The following AP3B1 variants were observed in gnomAD, a reference collection of about 807,000 sequenced individuals.
AP3B1 encodes adaptor related protein complex 3 subunit beta 1, also known as AP-3 complex subunit beta-1.
Under a neutral mutation model 132.5 loss-of-function variants are expected in AP3B1, and 61 were observed. The observed-to-expected ratio is 0.46, with a 90% CI of 0.37 to 0.57. The LOEUF (loss-of-function observed/expected upper bound fraction) is 0.57. AP3B1 is among the 20% of genes least tolerant of loss of function. AP3B1 has a pLI of 0.00. For synonymous variants in AP3B1, 388 were observed against 438.3 expected (o/e 0.89, Z 1.43); for missense variants, 1,120 against 1,289.4 (o/e 0.87, Z 2.01).
At chr5:78,148,084 C>T (rs925466478) in intron 14 of AP3B1, among the ~76,000 whole-genome samples, 1 of 151,614 alleles carries the variant, frequency 6.6e-6, no homozygotes, top group African/African-American at 2.4e-5. Context: ...GTTTACACAT[C>T]AAAAGTATCT....
At chr5:78,003,252 G>C (rs1375132987) in intron 26 of AP3B1, among the ~76,000 whole-genome samples, 197 bp from the exon 27 acceptor site, 1 of 152,116 alleles carries the variant, frequency 6.6e-6, no homozygotes, top group Non-Finnish European at 1.5e-5. Flanking sequence ...ACCACAAGCA[G>C]GTAATTTTAG....
Position 78,294,568 on chromosome 5 carries a change from A to G in AP3B1, c.12T>C (p.Asn4=). 1.2e-6 allele frequency: 2 copies of G among 1,614,132 alleles called. No individual in the cohort carries two copies. The highest frequency in any genetic ancestry group is 1.7e-6 in the Non-Finnish European group (2 of 1,180,028). The change falls in exon 1 of 27, where the codon AAT becomes AAC. Residue 4 remains asparagine, a synonymous_variant. Coordinates refer to ENST00000255194, the MANE Select transcript of AP3B1 (RefSeq NM_003664.5). ...CGGACTGCTCATTGTAAGGAAAACT[A>G]TTGCTGGACATTGCCGCGGTGCTGG... is the stretch of plus-strand genomic sequence containing the variant. MSS[N]SFPYNEQSGG... is the part of the protein sequence containing the mutation.
intron 25 of AP3B1, among the ~76,000 whole-genome samples, chr5:78,019,500 C>T (rs1279624774): frequency 6.6e-6 from 1 of 152,110 alleles, no homozygotes; most frequent in Non-Finnish European, 1.5e-5. Context: ...AGCAGAGAGG[C>T]AGGCTTTAGC....
chr5:78,216,977 A>G (rs1417187501), intron 6 of AP3B1, among the ~76,000 whole-genome samples: 1 of 152,160 alleles, frequency 6.6e-6, no homozygotes, highest in Non-Finnish European at 1.5e-5. Flanking sequence ...CCTTTACTCT[A>G]AAGACACAAA....
At chr5:78,168,219 CTT>C (rs535444476) in intron 11 of AP3B1, among the ~76,000 whole-genome samples, 20 of 142,720 alleles carry the variant, frequency 1.4e-4, no homozygotes, top group African/African-American at 5.4e-4. Flanking sequence ...CAACTTTTTT[CTT>C]TTTTCTTTTT....
At chr5:78,072,064 C>T (rs975739734) in intron 22 of AP3B1, among the ~76,000 whole-genome samples, 5 of 152,100 alleles carry the variant, frequency 3.3e-5, no homozygotes, top group African/African-American at 1.2e-4. Flanking sequence ...TCTGAAATTA[C>T]GCACTTAAAA....
chr5:78,010,969 T>C (rs1173461176), intron 26 of AP3B1, among the ~76,000 whole-genome samples: 1 of 152,054 alleles, frequency 6.6e-6, no homozygotes, highest in Non-Finnish European at 1.5e-5. Flanking sequence ...ATTTTTGTAA[T>C]ACTCCTTATC....
intron 22 of AP3B1, among the ~76,000 whole-genome samples, chr5:78,082,774 A>G (rs1247315022): frequency 1.3e-5 from 2 of 151,842 alleles, no homozygotes; most frequent in Non-Finnish European, 2.9e-5. Context: ...CACAGATAGT[A>G]TATCTCCATT....
intron 11 of AP3B1, among the ~76,000 whole-genome samples, chr5:78,166,183 G>T (rs1454271459): frequency 1.3e-5 from 2 of 149,000 alleles, no homozygotes; most frequent in Non-Finnish European, 1.5e-5. Flanking sequence ...AAATCATATT[G>T]TCGCCAATGT....
chr5:78,121,419 A>G (rs1752186801), intron 17 of AP3B1, among the ~76,000 whole-genome samples: 1 of 152,210 alleles, frequency 6.6e-6, no homozygotes, highest in Non-Finnish European at 1.5e-5. Context: ...GCTTTTTTGA[A>G]AAGATCAACA....
intron 22 of AP3B1, among the ~76,000 whole-genome samples, chr5:78,061,287 C>T (rs1749045233): frequency 6.6e-6 from 1 of 152,128 alleles, no homozygotes; most frequent in South Asian, 2.1e-4. Context: ...AAAAGACAGA[C>T]ATTAATTTCT....
chr5:78,011,775 T>C (rs1746636339), intron 26 of AP3B1, among the ~76,000 whole-genome samples: 1 of 152,164 alleles, frequency 6.6e-6, no homozygotes, highest in African/African-American at 2.4e-5. Flanking sequence ...TGGCATTTAA[T>C]GTAAAAATGT....
chr5:78,236,517 C>G (rs542921597), intron 3 of AP3B1, among the ~76,000 whole-genome samples: 5 of 152,324 alleles, frequency 3.3e-5, no homozygotes, highest in African/African-American at 1.2e-4. Context: ...AGCAACCTAG[C>G]TTTGGATTCT....
At chr5:78,223,696 T>C (rs996438359) in intron 6 of AP3B1, among the ~76,000 whole-genome samples, 1 of 152,184 alleles carries the variant, frequency 6.6e-6, no homozygotes. Flanking sequence ...GGGTTTTATA[T>C]ACAATAGTTC....
At chr5:78,141,047 G>T in intron 15 of AP3B1, 96 bp downstream of exon 15, 2 of 1,139,546 alleles carry the variant, frequency 1.8e-6, no homozygotes, top group Non-Finnish European at 2.7e-6. Context: ...AGAAATTGTT[G>T]AATGGTCAGA....
At chr5:78,197,719 A>T (rs1269789608) in intron 7 of AP3B1, among the ~76,000 whole-genome samples, 2 of 152,320 alleles carry the variant, frequency 1.3e-5, no homozygotes, top group East Asian at 1.9e-4. Context: ...ATAGAAAAAT[A>T]AAAAATGAAA....
intron 21 of AP3B1, among the ~76,000 whole-genome samples, chr5:78,098,222 T>C (rs1750977243): frequency 1.3e-5 from 2 of 151,502 alleles, no homozygotes; most frequent in African/African-American, 2.4e-5. Context: ...CCCTCCACTA[T>C]TGTCCTATGA....
intron 17 of AP3B1, among the ~76,000 whole-genome samples, chr5:78,119,938 G>C (rs765569562): frequency 1.2e-4 from 18 of 152,202 alleles, no homozygotes; most frequent in Non-Finnish European, 2.4e-4. Flanking sequence ...GGCAGCCAGA[G>C]AGAAAGGTCG....
chr5:78,243,864 T>C (rs918342629), intron 2 of AP3B1, among the ~76,000 whole-genome samples: 1 of 152,178 alleles, frequency 6.6e-6, no homozygotes, highest in Non-Finnish European at 1.5e-5. Context: ...GCTTTTACTA[T>C]GAGTGAAGCA....
Sources: allele counts gnomAD v4.1 joint callset (sites outside exome capture counted in the v4.1 genomes callset), GRCh38; gene constraint gnomAD v4.1.1; transcripts MANE v1.5; gene names NCBI Gene and HGNC (gene_info 2026-07-23, HGNC 2026-07-21).